The following SLC24A2 variants were observed in gnomAD, a reference collection of about 807,000 sequenced individuals.
SLC24A2 encodes the protein solute carrier family 24 member 2, also known as sodium/potassium/calcium exchanger 2.
In SLC24A2, 36 loss-of-function variants were observed where a neutral mutation model predicts 62.0. That is an observed-to-expected ratio of 0.58 (90% CI 0.44 to 0.77). SLC24A2 has a LOEUF of 0.77. SLC24A2 is among the 30% of genes least tolerant of loss of function. The pLI is 0.00. For missense variants in SLC24A2, 846 were observed against 817.9 expected (o/e 1.03, Z -0.42); for synonymous variants, 358 against 294.0 (o/e 1.22, Z -2.23).
the SLC24A2 span, among the ~76,000 whole-genome samples, chr9:20,022,980 T>C: frequency 2.0e-5 from 3 of 152,240 alleles, no homozygotes; most frequent in Non-Finnish European, 2.9e-5. Context: ...CTGGAGCCAA[T>C]AGCAGACATA....
At chr9:19,986,189 A>G in the SLC24A2 span, among the ~76,000 whole-genome samples, 1 of 152,170 alleles carries the variant, frequency 6.6e-6, no homozygotes, top group East Asian at 1.9e-4. Context: ...GATGCTCAAC[A>G]TCATTAAGGA....
chr9:19,719,088 G>A (rs999010973), intron 2 of SLC24A2, among the ~76,000 whole-genome samples: 1 of 152,096 alleles, frequency 6.6e-6, no homozygotes, highest in Non-Finnish European at 1.5e-5. Flanking sequence ...AAATTGCAAG[G>A]CTCCTGAGGA....
At chr9:20,034,451 G>GT in the SLC24A2 span, among the ~76,000 whole-genome samples, 1,589 of 83,202 alleles carry the variant, frequency 0.019, 111 homozygotes, top group Non-Finnish European at 0.024. Flanking sequence ...GGCCTTTTAA[G>GT]TTTTTTTTTT....
chr9:20,124,380 A>G, the SLC24A2 span, among the ~76,000 whole-genome samples: 1 of 152,194 alleles, frequency 6.6e-6, no homozygotes, highest in African/African-American at 2.4e-5. Context: ...TTAAAAAAAA[A>G]GAAGAAGAAG....
chr9:19,802,796 A>G, the SLC24A2 span, among the ~76,000 whole-genome samples: 3 of 152,254 alleles, frequency 2.0e-5, no homozygotes, highest in Non-Finnish European at 4.4e-5. Context: ...TAAAATGGAC[A>G]TGCTATGGTC....
chr9:20,185,482 G>A, the SLC24A2 span, among the ~76,000 whole-genome samples: 3 of 151,900 alleles, frequency 2.0e-5, no homozygotes, highest in South Asian at 6.2e-4. Flanking sequence ...TGGCTAACAC[G>A]GTGAAACCCC....
chr9:19,819,021 C>A, the SLC24A2 span, among the ~76,000 whole-genome samples: 10 of 101,340 alleles, frequency 9.9e-5, 1 homozygote, highest in South Asian at 3.8e-3. Flanking sequence ...TGGAATAGAA[C>A]AGAGAATCCA....
intron 2 of SLC24A2, among the ~76,000 whole-genome samples, chr9:19,772,124 C>G (rs1262282309): frequency 1.3e-5 from 2 of 152,112 alleles, no homozygotes; most frequent in Admixed American, 6.5e-5. Context: ...GAATCAGGAG[C>G]AGGCAAAGAA....
chr9:20,128,897 A>C, the SLC24A2 span, among the ~76,000 whole-genome samples: 1 of 152,156 alleles, frequency 6.6e-6, no homozygotes, highest in South Asian at 2.1e-4. Flanking sequence ...GGACTCGTAC[A>C]TATGATGCCA....
the SLC24A2 span, among the ~76,000 whole-genome samples, chr9:19,989,957 G>C: frequency 6.6e-6 from 1 of 152,172 alleles, no homozygotes; most frequent in East Asian, 1.9e-4. Flanking sequence ...TCAGAGAAAA[G>C]TTAGAATTTC....
chr9:20,276,067 C>T, the SLC24A2 span, among the ~76,000 whole-genome samples: 7 of 152,216 alleles, frequency 4.6e-5, no homozygotes, highest in South Asian at 1.5e-3. Flanking sequence ...CCTGGCCCCT[C>T]CCAAATATCA....
chr9:19,956,603 C>T, the SLC24A2 span, among the ~76,000 whole-genome samples: 4 of 152,170 alleles, frequency 2.6e-5, no homozygotes, highest in African/African-American at 4.8e-5. Context: ...TACTGTATGG[C>T]AGCAGGCAAG....
At chr9:19,732,843 T>C (rs1229883526) in intron 2 of SLC24A2, among the ~76,000 whole-genome samples, 2 of 152,128 alleles carry the variant, frequency 1.3e-5, no homozygotes, top group Non-Finnish European at 2.9e-5. Flanking sequence ...AGGCTGAGAA[T>C]TGAAAATGTG....
chr9:20,128,657 A>G, the SLC24A2 span, among the ~76,000 whole-genome samples: 1 of 152,084 alleles, frequency 6.6e-6, no homozygotes, highest in Non-Finnish European at 1.5e-5. Context: ...AACAAATCCT[A>G]CATTTACAGT....
At chr9:20,136,541 G>A in the SLC24A2 span, among the ~76,000 whole-genome samples, 3 of 152,096 alleles carry the variant, frequency 2.0e-5, no homozygotes, top group Non-Finnish European at 4.4e-5. Context: ...TTTCTCACAA[G>A]AAAGGAAGCC....
chr9:20,228,447 T>A, the SLC24A2 span, among the ~76,000 whole-genome samples: 1 of 151,644 alleles, frequency 6.6e-6, no homozygotes, highest in Non-Finnish European at 1.5e-5. Context: ...AATTCCCAAG[T>A]AAGAGAGCTG....
chr9:19,656,359 T>C (rs970499784), intron 2 of SLC24A2, among the ~76,000 whole-genome samples: 1 of 152,222 alleles, frequency 6.6e-6, no homozygotes, highest in Non-Finnish European at 1.5e-5. Flanking sequence ...ATCCTCTATT[T>C]GCAGCCACTA....
the SLC24A2 span, among the ~76,000 whole-genome samples, chr9:20,125,102 T>A: frequency 6.6e-6 from 1 of 152,190 alleles, no homozygotes; most frequent in Non-Finnish European, 1.5e-5. Context: ...AAGTACAAAA[T>A]GCCCAGTTCA....
chr9:19,782,149 A>T (rs1823035869), intron 2 of SLC24A2, among the ~76,000 whole-genome samples: 1 of 152,238 alleles, frequency 6.6e-6, no homozygotes, highest in African/African-American at 2.4e-5. Context: ...AGACGAAGTT[A>T]AATACCATGG....
Sources: allele counts gnomAD v4.1 joint callset (sites outside exome capture counted in the v4.1 genomes callset), GRCh38; gene constraint gnomAD v4.1.1; transcripts MANE v1.5; gene names NCBI Gene and HGNC (gene_info 2026-07-23, HGNC 2026-07-21).